The following TDRD5 variants were observed in gnomAD, a reference collection of about 807,000 sequenced individuals.
TDRD5 encodes the protein tudor domain containing 5.
TDRD5 carries 41 observed loss-of-function variants against 120.6 expected under a neutral mutation model. That is an observed-to-expected ratio of 0.34 (90% CI 0.26 to 0.44). The LOEUF (loss-of-function observed/expected upper bound fraction) is 0.44. Ranked by LOEUF, TDRD5 falls within the 20% of genes least tolerant of loss-of-function variation. The pLI is 1.00. For synonymous variants in TDRD5, 430 were observed against 433.7 expected (o/e 0.99, Z 0.11); for missense variants, 1,006 against 1,221.2 (o/e 0.82, Z 2.63).
At chr1:179,660,905 GA>G (rs1410067754) in intron 14 of TDRD5, among the ~76,000 whole-genome samples, 2 of 151,934 alleles carry the variant, frequency 1.3e-5, no homozygotes, top group Non-Finnish European at 2.9e-5. Flanking sequence ...TCTTTATTGA[GA>G]ATATATTTAT....
chr1:179,591,819 GGCGCTGGTGCGCAGGC>G (rs1232503812), exon 1 of TDRD5: 2 of 152,482 alleles, frequency 1.3e-5, no homozygotes, highest in Non-Finnish European at 2.9e-5. Context: ...CTGGTCAGGG[GGCGCTGGTGCGCAGGC>G]GCGCGGGGCC....
intron 12 of TDRD5, 21 bp from the exon 13 acceptor site, chr1:179,652,018 C>T (rs776032656): frequency 1.2e-6 from 2 of 1,607,090 alleles, no homozygotes; most frequent in Admixed American, 1.7e-5. Flanking sequence ...TAAACCATCC[C>T]TTTTCTTTTT....
At chr1:179,679,317 A>G (rs1239109249) in intron 17 of TDRD5, among the ~76,000 whole-genome samples, 2 of 152,138 alleles carry the variant, frequency 1.3e-5, no homozygotes, top group Non-Finnish European at 1.5e-5. Context: ...ATATTTGTCT[A>G]TAGTTTTCTT....
chr1:179,597,490 C>A (rs1250834316), intron 4 of TDRD5, among the ~76,000 whole-genome samples: 3 of 151,872 alleles, frequency 2.0e-5, no homozygotes, highest in Non-Finnish European at 4.4e-5. Flanking sequence ...AGCCACCACA[C>A]CTGGCTAATT....
intron 13 of TDRD5, among the ~76,000 whole-genome samples, chr1:179,653,486 A>AAATTAAT (rs1678828613): frequency 6.6e-6 from 1 of 152,162 alleles, no homozygotes; most frequent in African/African-American, 2.4e-5. Flanking sequence ...AAATTAATGA[A>AAATTAAT]GCTTGTATGC....
chr1:179,675,212 T>C (rs1421488099), intron 17 of TDRD5, among the ~76,000 whole-genome samples: 1 of 151,224 alleles, frequency 6.6e-6, no homozygotes, highest in African/African-American at 2.4e-5. Context: ...TTCTGCTGTA[T>C]TCCAGAGGTT....
At chr1:179,669,099 A>G (rs1328856127) in intron 16 of TDRD5, 95 bp from the exon 17 acceptor site, 7 of 1,122,686 alleles carry the variant, frequency 6.2e-6, no homozygotes, top group Non-Finnish European at 7.6e-6. Flanking sequence ...ATAATATGGA[A>G]ATATTTGTAT....
At chr1:179,591,828 G>C (rs981370361), upstream of TDRD5, 1 of 152,442 alleles carries the variant, frequency 6.6e-6, no homozygotes, top group Admixed American at 6.5e-5. Flanking sequence ...GGGCGCTGGT[G>C]CGCAGGCGCG....
chr1:179,630,363 A>G (rs1026135153), intron 6 of TDRD5, among the ~76,000 whole-genome samples: 7 of 152,234 alleles, frequency 4.6e-5, no homozygotes, highest in African/African-American at 7.2e-5. Context: ...CAATTTCTGT[A>G]CATGTCGGAA....
At chr1:179,674,033 C>T (rs754358565) in intron 17 of TDRD5, among the ~76,000 whole-genome samples, 5 of 152,098 alleles carry the variant, frequency 3.3e-5, no homozygotes, top group Non-Finnish European at 2.9e-5. Flanking sequence ...TTTGGGTGCC[C>T]TTTATTTCTT....
At chr1:179,659,576 TGTGTGTGTGTGTGTGC>T (rs1282304925) in intron 14 of TDRD5, among the ~76,000 whole-genome samples, 19 of 142,982 alleles carry the variant, frequency 1.3e-4, no homozygotes, top group South Asian at 4.6e-4. Context: ...TGTGTGTGTG[TGTGTGTGTGTGTGTGC>T]GCGCGCTTGC....
At chr1:179,608,420 A>G (rs12132743) in intron 4 of TDRD5, among the ~76,000 whole-genome samples, 7,555 of 151,016 alleles carry the variant, frequency 0.05, 258 homozygotes, top group Middle Eastern at 0.086. Context: ...ACTGCTTGTT[A>G]TTTTCTTGCA....
intron 8 of TDRD5, 75 bp downstream of exon 8, chr1:179,634,704 C>T (rs1185662428): frequency 3.4e-6 from 5 of 1,459,000 alleles, no homozygotes; most frequent in Middle Eastern, 1.8e-4. Flanking sequence ...TTCTTTAAAC[C>T]AAAATTCTTT....
chr1:179,662,407 C>A, intron 15 of TDRD5, 121 bp downstream of exon 15: 1 of 1,020,460 alleles, frequency 9.8e-7, no homozygotes. Flanking sequence ...TCATGACCAG[C>A]CTGGGCAACA....
At chr1:179,612,001 C>G (rs1676304608) in intron 4 of TDRD5, among the ~76,000 whole-genome samples, 1 of 152,132 alleles carries the variant, frequency 6.6e-6, no homozygotes, top group African/African-American at 2.4e-5. Flanking sequence ...ACAAAAAGTG[C>G]AACTTTCCAT....
intron 6 of TDRD5, among the ~76,000 whole-genome samples, chr1:179,629,003 C>T (rs1433120548): frequency 6.6e-6 from 1 of 152,074 alleles, no homozygotes; most frequent in African/African-American, 2.4e-5. Context: ...AACTCACATC[C>T]TGCCTTTTAA....
intron 16 of TDRD5, among the ~76,000 whole-genome samples, chr1:179,668,711 G>T (rs1399329617): frequency 6.6e-6 from 1 of 150,410 alleles, no homozygotes; most frequent in Non-Finnish European, 1.5e-5. Context: ...GATAGAGAAG[G>T]ACTTGCTTTT....
At chr1:179,627,949 A>T (rs1677217432) in intron 6 of TDRD5, among the ~76,000 whole-genome samples, 1 of 152,194 alleles carries the variant, frequency 6.6e-6, no homozygotes, top group Non-Finnish European at 1.5e-5. Flanking sequence ...GCTGCTGTTA[A>T]AACCCTCAAA....
intron 17 of TDRD5, among the ~76,000 whole-genome samples, chr1:179,678,600 A>G (rs955885287): frequency 5.3e-5 from 8 of 152,174 alleles, no homozygotes; most frequent in Admixed American, 3.3e-4. Flanking sequence ...TCTAGCAATG[A>G]TATTTTGTAG....
Sources: gnomAD v4.1 joint callset for allele counts (sites outside exome capture counted in the v4.1 genomes callset) on GRCh38, gnomAD v4.1.1 for gene constraint, MANE v1.5 for transcripts, NCBI Gene and HGNC (gene_info 2026-07-23, HGNC 2026-07-21) for gene names.